UBXN7: variants seen among roughly 807,000 people sequenced by gnomAD.
The protein encoded by UBXN7 is UBX domain protein 7.
Under a neutral mutation model 58.0 loss-of-function variants are expected in UBXN7, and 9 were observed. The observed-to-expected ratio is 0.16, with a 90% CI of 0.09 to 0.27. UBXN7 has a LOEUF of 0.27. Among genes scored for constraint, UBXN7 ranks in the 10% least tolerant of loss-of-function variants. The pLI, the probability that UBXN7 is intolerant of heterozygous loss-of-function variation, is 1.00. For synonymous variants in UBXN7, 208 were observed against 205.0 expected, an observed-to-expected ratio of 1.01 and a Z score of -0.12; for missense variants, 328 against 599.6, an observed-to-expected ratio of 0.55 and a Z score of 4.73.
chr3:196,413,641 C>A (rs1175538733), intron 1 of UBXN7, among the ~76,000 whole-genome samples: 1 of 152,146 alleles, frequency 6.6e-6, no homozygotes, highest in Non-Finnish European at 1.5e-5. Flanking sequence ...CCACTCCTAA[C>A]CAACCTTTTC....
At chr3:196,392,565 G>T (rs1475271601) in intron 4 of UBXN7, among the ~76,000 whole-genome samples, 1 of 151,774 alleles carries the variant, frequency 6.6e-6, no homozygotes, top group Non-Finnish European at 1.5e-5. Flanking sequence ...CACTATGGGA[G>T]GCTGAGATGT....
intron 1 of UBXN7, among the ~76,000 whole-genome samples, chr3:196,409,653 T>C (rs1730263020): frequency 6.6e-6 from 1 of 152,118 alleles, no homozygotes; most frequent in Admixed American, 6.6e-5. Context: ...ACTGTAACAA[T>C]CTTTGTTATA....
intron 1 of UBXN7, among the ~76,000 whole-genome samples, chr3:196,418,972 G>A (rs1245736710): frequency 6.6e-6 from 1 of 152,238 alleles, no homozygotes; most frequent in East Asian, 1.9e-4. Flanking sequence ...CATACCACTG[G>A]TAACAATCTG....
intron 5 of UBXN7, among the ~76,000 whole-genome samples, chr3:196,391,289 C>T (rs1029092636): frequency 1.3e-5 from 2 of 152,130 alleles, no homozygotes; most frequent in Non-Finnish European, 2.9e-5. Flanking sequence ...TTTCATCAAT[C>T]TCATATACTG....
chr3:196,429,393 G>A (rs1311666147), intron 1 of UBXN7, among the ~76,000 whole-genome samples: 2 of 151,008 alleles, frequency 1.3e-5, no homozygotes, highest in African/African-American at 4.9e-5. Flanking sequence ...GTTCTATTCA[G>A]TAAGAAATAA....
At chr3:196,409,200 C>T (rs1467772018) in intron 1 of UBXN7, among the ~76,000 whole-genome samples, 1 of 152,058 alleles carries the variant, frequency 6.6e-6, no homozygotes, top group Non-Finnish European at 1.5e-5. Context: ...GCTCACTGAG[C>T]TTTTGATTTC....
Position 196,407,403 on chromosome 3 carries a change from TAA to T in UBXN7, c.74-12_74-11del. 1 of 1,460,496 alleles carries T rather than the reference TAA, an allele frequency of 6.8e-7. No individual in the cohort carries two copies. Among genetic ancestry groups the T allele is most frequent in the Non-Finnish European group, 9.0e-7 (1 of 1,109,102 alleles). The allele number at this position is 1,460,496 out of a possible 1,614,324, so 90.5% of individuals were successfully genotyped here. ...ACACTTTCACTTGCACCTGAAACAG[TAA>T]AAAGACAGGAAAAACGTTAAAAAAA... On this transcript the variant is annotated splice_polypyrimidine_tract_variant and intron_variant, in intron 1 of 10. Transcript: ENST00000296328.
intron 10 of UBXN7, among the ~76,000 whole-genome samples, chr3:196,358,716 G>A (rs1728419963): frequency 6.6e-6 from 1 of 152,140 alleles, no homozygotes; most frequent in Non-Finnish European, 1.5e-5. Flanking sequence ...ACTCCAGCCT[G>A]AGCGACAGAG....
Position 196,356,619 on chromosome 3 carries a change from T to C in UBXN7, c.*66A>G. 1 of 1,525,948 alleles carries C rather than the reference T, an allele frequency of 6.6e-7. No homozygotes were observed. The highest frequency in any genetic ancestry group is 1.8e-4 in the Middle Eastern group (1 of 5,654). 94.5% of individuals were successfully genotyped at this position (1,525,948 alleles called of 1,614,324 possible). A position where few individuals can be genotyped will look rare whatever the true frequency, so the allele number is the denominator to read the frequency against. On this transcript the variant is annotated 3_prime_UTR_variant, in exon 11 of 11. Transcript: ENST00000296328. ...TGGTCCTATGAGCCAAAATGCATAC[T>C]TAGTGACATGTATCTCACAGGAAAA... is the stretch of plus-strand genomic sequence containing the variant.
chr3:196,392,070 C>T (rs1729600861), intron 4 of UBXN7, 145 bp from the exon 5 acceptor site: 2 of 497,650 alleles, frequency 4.0e-6, no homozygotes, highest in Non-Finnish European at 6.9e-6. Context: ...AATGTTGACT[C>T]TGAAAAAAAA....
chr3:196,406,982 T>C (rs944571496), intron 2 of UBXN7, among the ~76,000 whole-genome samples: 5 of 152,150 alleles, frequency 3.3e-5, no homozygotes, highest in Non-Finnish European at 7.4e-5. Context: ...GGGCCAATCC[T>C]AGCAGAGCAC....
intron 7 of UBXN7, 71 bp from the exon 8 acceptor site, chr3:196,368,226 T>C (rs1046090259): frequency 2.1e-6 from 3 of 1,457,044 alleles, no homozygotes; most frequent in Non-Finnish European, 2.8e-6. Context: ...CTCCAGGATC[T>C]ATAAATATAA....
rs200037192 is a variant in UBXN7, at chr3:196,362,428, G to A, written c.1094C>T (p.Pro365Leu). 19 of 1,614,134 alleles carry A rather than the reference G, an allele frequency of 1.2e-5. No homozygotes were observed. In the Admixed American group the frequency reaches 2.0e-4, roughly 17 times the overall value. The change falls in exon 9 of 11, where the codon CCG (proline) becomes CTG (leucine). Residue 365 changes from proline (P) to leucine (L), a missense_variant. Physicochemically the swap from Pro to Leu is moderately conservative, Grantham distance 98. Coordinates refer to ENST00000296328, the MANE Select transcript of UBXN7 (RefSeq NM_015562.2). ...AGTTCTGACTGGTGGCTCAGTCAGC[G>A]GCCTTCTATTCTCCTCTTTTCTATG... is the stretch of plus-strand genomic sequence containing the variant. ...LGHRKEENRR[P>L]LTEPPVRTDP...
At chr3:196,357,892 G>A (rs1454786990) in intron 10 of UBXN7, among the ~76,000 whole-genome samples, 1 of 151,768 alleles carries the variant, frequency 6.6e-6, no homozygotes, top group East Asian at 1.9e-4. Flanking sequence ...AACTAGCCGG[G>A]CATGGTGGTG....
At chr3:196,418,793 T>C (rs879358583) in intron 1 of UBXN7, among the ~76,000 whole-genome samples, 5 of 152,144 alleles carry the variant, frequency 3.3e-5, no homozygotes, top group Admixed American at 6.5e-5. Flanking sequence ...AATAAAACCA[T>C]AGTAACGGAA....
At chr3:196,385,485 G>T (rs540642997) in intron 5 of UBXN7, among the ~76,000 whole-genome samples, 1 of 150,728 alleles carries the variant, frequency 6.6e-6, no homozygotes, top group Non-Finnish European at 1.5e-5. Context: ...AGTGAGGAGC[G>T]TCTCTGCCCA....
chr3:196,368,573 T>C (rs1256907427), intron 7 of UBXN7, among the ~76,000 whole-genome samples: 1 of 152,216 alleles, frequency 6.6e-6, no homozygotes, highest in Non-Finnish European at 1.5e-5. Context: ...CAGCTTATGC[T>C]ACATAGTGTC....
At chr3:196,425,232 T>G (rs1730809904) in intron 1 of UBXN7, among the ~76,000 whole-genome samples, 2 of 152,048 alleles carry the variant, frequency 1.3e-5, no homozygotes, top group African/African-American at 4.8e-5. Context: ...AACTTCATTT[T>G]GACTCTGATT....
chr3:196,359,876 A>T (rs894218788), intron 10 of UBXN7, among the ~76,000 whole-genome samples: 1 of 151,848 alleles, frequency 6.6e-6, no homozygotes, highest in African/African-American at 2.4e-5. Flanking sequence ...ATTGTACTCT[A>T]GCCTGGGTGA....
Sources: allele counts gnomAD v4.1 joint callset (sites outside exome capture counted in the v4.1 genomes callset), GRCh38; gene constraint gnomAD v4.1.1; transcripts MANE v1.5; gene names NCBI Gene and HGNC (gene_info 2026-07-23, HGNC 2026-07-21).